The following AHCTF1 variants were observed in gnomAD, a reference collection of about 807,000 sequenced individuals.
The protein encoded by AHCTF1 is AT-hook containing transcription factor 1, also known as protein ELYS.
Under a neutral mutation model 248.4 loss-of-function variants are expected in AHCTF1, and 24 were observed. The observed-to-expected ratio is 0.10, with a 90% CI of 0.07 to 0.14. AHCTF1 has a LOEUF of 0.14. Among genes scored for constraint, AHCTF1 ranks in the 10% least tolerant of loss-of-function variants. AHCTF1 has a pLI of 1.00. For synonymous variants in AHCTF1, 786 were observed against 929.8 expected (o/e 0.85, Z 2.81); for missense variants, 2,206 against 2,636.2 (o/e 0.84, Z 3.57).
Position 246,910,314 on chromosome 1 carries a change from T to C in AHCTF1, c.557-2556A>G, listed in dbSNP as rs111306674. ...CTTGAGACTTAACTGTCAAATGCAA[T>C]TAATGTGCAGACTGTATTTGAATTC... On this transcript the variant is annotated intron_variant, in intron 4 of 35. Coordinates refer to ENST00000648844, the MANE Select transcript of AHCTF1 (RefSeq NM_001323342.2). 2.7e-3 allele frequency among the ~76,000 whole-genome samples: 415 copies of C among 152,330 alleles called. 2 individuals are homozygous for C. The highest frequency in any genetic ancestry group is 9.5e-3 in the African/African-American group (393 of 41,570).
In AHCTF1 at chr1:246,877,067, T is replaced by C. The variant is rs1663024161; in HGVS notation, c.2820A>G (p.Lys940=). 1.2e-6 allele frequency: 2 copies of C among 1,612,164 alleles called. No individual in the cohort carries two copies. Among genetic ancestry groups the C allele is most frequent in the East Asian group, 4.5e-5 (2 of 44,862 alleles). ...GAACGCTGGCACTGGACTGCAAAAA[T>C]TTCACTAAACATTCCTAAAAAGAAC... ...FTDTEQECLV[K]FLQSSASVQN... Residue 940 remains lysine, a synonymous_variant, in exon 23 of 36, where the codon AAA becomes AAG. Transcript: ENST00000648844.
intron 24 of AHCTF1, among the ~76,000 whole-genome samples, chr1:246,874,632 G>A (rs1325318982): frequency 2.6e-5 from 4 of 151,862 alleles, no homozygotes; most frequent in South Asian, 2.1e-4. Flanking sequence ...TTATCCCTAC[G>A]TCTTGAACCT....
Position 246,855,731 on chromosome 1 carries a change from T to C in AHCTF1, c.4353A>G (p.Lys1451=). The change falls in exon 31 of 36, where the codon AAA becomes AAG. Residue 1451 remains lysine (K), a splice_region_variant and synonymous_variant. Transcript: ENST00000648844. Reference sequence around the variant, plus strand: ...TGAAGTCAAAATTATTATACATACATTTATTGTCATTTGCTCTAATTGCAG... The same window carrying C: ...TGAAGTCAAAATTATTATACATACACTTATTGTCATTTGCTCTAATTGCAG... The part of the protein sequence containing the change: ...YTPAIRANDN[K]SMADVLGDGG... 6 of 1,606,406 alleles carry C rather than the reference T, an allele frequency of 3.7e-6. No individual in the cohort carries two copies. Among genetic ancestry groups the C allele is most frequent in the Non-Finnish European group, 5.1e-6 (6 of 1,175,204 alleles).
At chr1:246,867,963 T>C (rs1572388713) in intron 24 of AHCTF1, 152 bp from the exon 25 acceptor site, 2 of 209,584 alleles carry the variant, frequency 9.5e-6, no homozygotes, top group East Asian at 2.5e-4. Context: ...TATATATATA[T>C]AATTAATTTT....
intron 1 of AHCTF1, among the ~76,000 whole-genome samples, chr1:246,927,177 CAAAAA>C (rs1197219820): frequency 8.3e-6 from 1 of 120,408 alleles, no homozygotes; most frequent in African/African-American, 3.1e-5. Context: ...GACTCTGTCT[CAAAAA>C]AAAAAAAAGA....
chr1:246,898,619 AAAAC>A (rs1203829385), intron 11 of AHCTF1, among the ~76,000 whole-genome samples: 8 of 127,442 alleles, frequency 6.3e-5, no homozygotes, highest in Non-Finnish European at 1.1e-4. Flanking sequence ...ACATCTTGAC[AAAAC>A]ACACACACAC....
At chr1:246,846,366 G>A (rs2103033500) in intron 33 of AHCTF1, among the ~76,000 whole-genome samples, 1 of 152,040 alleles carries the variant, frequency 6.6e-6, no homozygotes, top group Non-Finnish European at 1.5e-5. Flanking sequence ...AAGGGCAGAG[G>A]AAGACAGGAA....
At chr1:246,905,425 A>C in intron 6 of AHCTF1, 116 bp downstream of exon 6, 1 of 714,212 alleles carries the variant, frequency 1.4e-6, no homozygotes, top group South Asian at 1.7e-5. Context: ...TGAATCCGGG[A>C]GGCGGAGGTT....
At position 246,887,381 on chromosome 1, in the gene AHCTF1, A is replaced by G. The variant is rs1389633394; in HGVS notation, c.2326-24T>C. 5.0e-6 allele frequency: 8 copies of G among 1,586,234 alleles called. No individual in the cohort carries two copies. In the Admixed American group the frequency reaches 1.5e-4, roughly 29 times the overall value. On this transcript the variant is annotated intron_variant, in intron 19 of 35. Transcript: ENST00000648844. ...GTCTTTTAAAAAGCGGATTAAGGAC[A>G]ATAAAATACAACAACAAAAACCTCC...
chr1:246,905,447 A>C, intron 6 of AHCTF1, 94 bp downstream of exon 6: 2 of 995,228 alleles, frequency 2.0e-6, no homozygotes, highest in South Asian at 2.8e-5. Flanking sequence ...CAGTGAGCCG[A>C]AATCACGCCA....
intron 35 of AHCTF1, 37 bp from the exon 36 acceptor site, chr1:246,841,035 C>T (rs1263365176): frequency 6.5e-7 from 1 of 1,533,060 alleles, no homozygotes; most frequent in South Asian, 1.3e-5. Context: ...AGAATAAACA[C>T]ATTATGCTAT....
chr1:246,881,229 T>A (rs1280956710), intron 21 of AHCTF1, among the ~76,000 whole-genome samples: 1 of 152,198 alleles, frequency 6.6e-6, no homozygotes, highest in Admixed American at 6.5e-5. Flanking sequence ...GGTTACCATA[T>A]AATAATTTTA....
intron 25 of AHCTF1, 114 bp downstream of exon 25, chr1:246,867,547 T>C: frequency 7.3e-7 from 1 of 1,364,554 alleles, no homozygotes; most frequent in East Asian, 2.3e-5. Context: ...AGAGTTTTTC[T>C]TTTTTACATA....
At chr1:246,900,531 C>T in intron 8 of AHCTF1, 62 bp from the exon 9 acceptor site, 1 of 1,496,692 alleles carries the variant, frequency 6.7e-7, no homozygotes, top group South Asian at 1.3e-5. Context: ...ATCACCTCAA[C>T]AGAATTATAG....
intron 21 of AHCTF1, among the ~76,000 whole-genome samples, chr1:246,884,459 C>A (rs1396288499): frequency 1.3e-5 from 2 of 152,114 alleles, no homozygotes; most frequent in African/African-American, 2.4e-5. Flanking sequence ...TCATGTATAA[C>A]ACAGCTGAGG....
rs2067916 is a variant in AHCTF1 at position 246,876,646 on chromosome 1, C to T, written c.2937+304G>A. 0.22 allele frequency among the ~76,000 whole-genome samples: 34,112 copies of T among 152,106 alleles called. 3,972 individuals carry two copies. The highest frequency in any genetic ancestry group is 0.25 in the Admixed American group (3,877 of 15,292). ...TTACTGCTGGCCTCTACGTCTTCCT[C>T]TACCACACAATGATCTTTGTACTAT... On this transcript the variant is annotated intron_variant, in intron 23 of 35. Coordinates refer to ENST00000648844, the MANE Select transcript of AHCTF1 (RefSeq NM_001323342.2).
At chr1:246,895,197 T>C (rs1664486478) in intron 13 of AHCTF1, among the ~76,000 whole-genome samples, 1 of 152,090 alleles carries the variant, frequency 6.6e-6, no homozygotes, top group Non-Finnish European at 1.5e-5. Context: ...TAAAGGACAT[T>C]ACTGGGATTT....
chr1:246,927,446 G>A (rs1667018528), intron 1 of AHCTF1, among the ~76,000 whole-genome samples: 1 of 152,160 alleles, frequency 6.6e-6, no homozygotes, highest in Non-Finnish European at 1.5e-5. Flanking sequence ...CTGAGATGGT[G>A]CCACTACACT....
At chr1:246,841,361 G>A (rs1477262824) in intron 35 of AHCTF1, among the ~76,000 whole-genome samples, 1 of 152,200 alleles carries the variant, frequency 6.6e-6, no homozygotes, top group Non-Finnish European at 1.5e-5. Context: ...CATGTGGCAT[G>A]TCAGAAATGT....
Sources: gnomAD v4.1 joint callset for allele counts (sites outside exome capture counted in the v4.1 genomes callset) on GRCh38, gnomAD v4.1.1 for gene constraint, MANE v1.5 for transcripts, NCBI Gene and HGNC (gene_info 2026-07-23, HGNC 2026-07-21) for gene names.